The following RAP1GDS1 variants were observed in gnomAD, a reference collection of about 807,000 sequenced individuals.
RAP1GDS1 encodes RAP1, GTP-GDP dissociation stimulator 1.
RAP1GDS1 carries 35 observed loss-of-function variants against 71.1 expected under a neutral mutation model. The ratio of observed to expected loss-of-function variants is 0.49; its 90% CI spans 0.38 to 0.65. The LOEUF is 0.65. Among genes scored for constraint, RAP1GDS1 ranks in the 30% least tolerant of loss-of-function variants. The pLI is 0.00. For synonymous variants in RAP1GDS1, 229 were observed against 243.1 expected, an observed-to-expected ratio of 0.94 and a Z score of 0.54; for missense variants, 663 against 706.1, an observed-to-expected ratio of 0.94 and a Z score of 0.69.
At chr4:98,431,113 C>A (rs1053581194) in intron 12 of RAP1GDS1, among the ~76,000 whole-genome samples, 1 of 152,196 alleles carries the variant, frequency 6.6e-6, no homozygotes, top group African/African-American at 2.4e-5. Flanking sequence ...CAGCACTTTT[C>A]TTTAACCTTT....
At chr4:98,369,920 C>T in intron 4 of RAP1GDS1, among the ~76,000 whole-genome samples, 1 of 152,106 alleles carries the variant, frequency 6.6e-6, no homozygotes, top group East Asian at 1.9e-4. Context: ...ATTTTTGTTT[C>T]TTTTTATATA....
intron 2 of RAP1GDS1, among the ~76,000 whole-genome samples, chr4:98,318,555 T>C (rs1219257609): frequency 6.6e-6 from 1 of 152,202 alleles, no homozygotes; most frequent in Non-Finnish European, 1.5e-5. Context: ...AAATACCTTC[T>C]TGATGAGATG....
chr4:98,277,469 T>G (rs898635323), intron 1 of RAP1GDS1, among the ~76,000 whole-genome samples: 4 of 152,194 alleles, frequency 2.6e-5, no homozygotes, highest in Admixed American at 1.3e-4. Context: ...CTGGAACACA[T>G]CTTCCTTTCA....
chr4:98,442,077 A>T lies in RAP1GDS1; in HGVS notation c.1784A>T (p.Gln595Leu). ...CATGAGAACAAAAGTGTTGCCCAGC[A>T]GGCCTCTCTCACAGAGCAGAGACTT... is the stretch of plus-strand genomic sequence containing the variant. Reference protein sequence around the residue: ...RSHENKSVAQQASLTEQRLTV... With the variant: ...RSHENKSVAQLASLTEQRLTV... The change falls in exon 15 of 15, where the codon CAG becomes CTG. Residue 595 changes from glutamine to leucine, a missense_variant. Physicochemically the swap from Gln to Leu is moderately radical, Grantham distance 113. Coordinates refer to ENST00000408927, the MANE Select transcript of RAP1GDS1 (RefSeq NM_001100427.2). 6.2e-7 allele frequency: 1 copy of T among 1,613,984 alleles called. No homozygotes were observed. The highest frequency in any genetic ancestry group is 8.5e-7 in the Non-Finnish European group (1 of 1,179,976).
At chr4:98,345,286 C>T (rs577056908) in intron 3 of RAP1GDS1, among the ~76,000 whole-genome samples, 107 of 152,322 alleles carry the variant, frequency 7.0e-4, no homozygotes, top group African/African-American at 2.5e-3. Context: ...ATTTGTTCAT[C>T]TTTACTCTGC....
intron 1 of RAP1GDS1, among the ~76,000 whole-genome samples, chr4:98,270,751 A>G (rs955236749): frequency 2.0e-5 from 3 of 152,000 alleles, no homozygotes; most frequent in African/African-American, 4.8e-5. Context: ...AGCTATACCA[A>G]GTGAGTTGCC....
intron 5 of RAP1GDS1, among the ~76,000 whole-genome samples, chr4:98,383,889 T>C (rs1443742397): frequency 6.6e-6 from 1 of 151,574 alleles, no homozygotes; most frequent in Admixed American, 6.6e-5. Context: ...AAAAGAGCAT[T>C]TCCTAGATGT....
At chr4:98,335,956 A>C (rs1734661464) in intron 2 of RAP1GDS1, among the ~76,000 whole-genome samples, 1 of 152,168 alleles carries the variant, frequency 6.6e-6, no homozygotes, top group African/African-American at 2.4e-5. Flanking sequence ...CTTGATAAAC[A>C]GTGTATACTC....
At chr4:98,381,878 T>G (rs1236700824) in intron 5 of RAP1GDS1, among the ~76,000 whole-genome samples, 1 of 151,512 alleles carries the variant, frequency 6.6e-6, no homozygotes, top group Non-Finnish European at 1.5e-5. Flanking sequence ...TCCACCAACA[T>G]AGTTTCCCTG....
Position 98,328,044 on chromosome 4 carries a change from G to A in RAP1GDS1, c.113-15095G>A, listed in dbSNP as rs780985743. Among the ~76,000 whole-genome samples the A allele has an allele frequency of 1.4e-4, 21 of 152,184 alleles. No individual in the cohort carries two copies. The East Asian group carries it at 1.5e-3, about 11-fold the overall frequency. On this transcript the variant is annotated intron_variant, in intron 2 of 14. Coordinates refer to ENST00000408927, the MANE Select transcript of RAP1GDS1 (RefSeq NM_001100427.2). ...ATGGTTTTGAGCCATGAAACCTAGC[G>A]TAAAGACAACTAATTAAATAATTCC...
intron 1 of RAP1GDS1, among the ~76,000 whole-genome samples, chr4:98,275,620 G>C (rs1724088849): frequency 6.6e-6 from 1 of 152,066 alleles, no homozygotes; most frequent in South Asian, 2.1e-4. Flanking sequence ...GCTGTGGACT[G>C]TACAAAAATT....
chr4:98,331,039 C>T (rs1186710932), intron 2 of RAP1GDS1, among the ~76,000 whole-genome samples: 14 of 152,170 alleles, frequency 9.2e-5, no homozygotes, highest in Non-Finnish European at 2.1e-4. Flanking sequence ...ACTCCGTCTG[C>T]AATCCCAGCA....
intron 13 of RAP1GDS1, among the ~76,000 whole-genome samples, chr4:98,435,845 G>A (rs538957149): frequency 6.7e-6 from 1 of 149,778 alleles, no homozygotes; most frequent in Non-Finnish European, 1.5e-5. Flanking sequence ...GCCGAGGCGG[G>A]TGGATCATGA....
chr4:98,300,976 C>T (rs1728498622), intron 2 of RAP1GDS1, among the ~76,000 whole-genome samples: 1 of 151,964 alleles, frequency 6.6e-6, no homozygotes, highest in Non-Finnish European at 1.5e-5. Context: ...AAAGTTACTT[C>T]CTAAGTAAGA....
chr4:98,281,598 A>C (rs932004106), intron 1 of RAP1GDS1, among the ~76,000 whole-genome samples: 1 of 152,050 alleles, frequency 6.6e-6, no homozygotes, highest in Non-Finnish European at 1.5e-5. Context: ...AATACCCTTT[A>C]TTTCTTTCTC....
chr4:98,415,173 C>G (rs906002459), intron 7 of RAP1GDS1, among the ~76,000 whole-genome samples: 1 of 152,208 alleles, frequency 6.6e-6, no homozygotes, highest in African/African-American at 2.4e-5. Context: ...AAGAATATGG[C>G]TCTATTCTGC....
chr4:98,262,448 G>A (rs1472183282), intron 1 of RAP1GDS1, among the ~76,000 whole-genome samples: 1 of 152,160 alleles, frequency 6.6e-6, no homozygotes, highest in Non-Finnish European at 1.5e-5. Flanking sequence ...TTTATAAAAC[G>A]ATATATACAT....
chr4:98,421,156 T>G (rs1021422843), intron 11 of RAP1GDS1, 99 bp from the exon 12 acceptor site: 1 of 1,280,288 alleles, frequency 7.8e-7, no homozygotes, highest in Non-Finnish European at 1.0e-6. Context: ...TGTCGTGCTG[T>G]GTTTTTTTAG....
At chr4:98,262,028 G>A (rs1283353995) in intron 1 of RAP1GDS1, among the ~76,000 whole-genome samples, 2 of 152,232 alleles carry the variant, frequency 1.3e-5, no homozygotes, top group Non-Finnish European at 2.9e-5. Flanking sequence ...TCCCCGTCGT[G>A]GAGACTCCTC....
Sources: gnomAD v4.1 joint callset for allele counts (sites outside exome capture counted in the v4.1 genomes callset) on GRCh38, gnomAD v4.1.1 for gene constraint, MANE v1.5 for transcripts, NCBI Gene and HGNC (gene_info 2026-07-23, HGNC 2026-07-21) for gene names.